The following CNTNAP2 variants were observed in gnomAD, a reference collection of about 807,000 sequenced individuals.
The protein encoded by CNTNAP2 is contactin-associated protein-like 2.
CNTNAP2 carries 98 observed loss-of-function variants against 155.2 expected under a neutral mutation model. The observed-to-expected ratio is 0.63, with a 90% CI of 0.54 to 0.75. The LOEUF is 0.75. Among genes scored for constraint, CNTNAP2 ranks in the 30% least tolerant of loss-of-function variants. CNTNAP2 has a pLI of 0.00. For synonymous variants in CNTNAP2, 651 were observed against 631.2 expected (o/e 1.03, Z -0.47); for missense variants, 1,727 against 1,688.1 (o/e 1.02, Z -0.40).
chr7:148,014,071 T>C (rs772404150), intron 15 of CNTNAP2: 14 of 152,142 alleles, frequency 9.2e-5, no homozygotes, highest in Non-Finnish European at 1.6e-4. Flanking sequence ...TTTCTTTCAG[T>C]TGGTGTTAAA....
intron 9 of CNTNAP2, among the ~76,000 whole-genome samples, chr7:147,316,001 C>T (rs1478377402): frequency 6.6e-6 from 1 of 151,758 alleles, no homozygotes; most frequent in Admixed American, 6.6e-5. Flanking sequence ...CTTATTCATT[C>T]ACAAGTGATG....
chr7:148,282,279 GTC>G (rs1796987894), intron 21 of CNTNAP2, among the ~76,000 whole-genome samples: 3 of 152,184 alleles, frequency 2.0e-5, no homozygotes, highest in African/African-American at 7.2e-5. Context: ...GGCAAATCTT[GTC>G]ATAAGTGTAG....
chr7:147,809,530 C>T (rs1188468060), intron 13 of CNTNAP2, among the ~76,000 whole-genome samples: 2 of 152,212 alleles, frequency 1.3e-5, no homozygotes, highest in Non-Finnish European at 2.9e-5. Flanking sequence ...GCCAGATAAG[C>T]TGTAAATTCC....
At chr7:146,809,331 G>C (rs1351294490) in intron 2 of CNTNAP2, among the ~76,000 whole-genome samples, 1 of 152,040 alleles carries the variant, frequency 6.6e-6, no homozygotes, top group South Asian at 2.1e-4. Flanking sequence ...ACTTGTTCAT[G>C]TATCTGCTGG....
chr7:148,102,501 T>A (rs1197241816), intron 15 of CNTNAP2, among the ~76,000 whole-genome samples: 1 of 152,234 alleles, frequency 6.6e-6, no homozygotes, highest in South Asian at 2.1e-4. Context: ...GTAATGGGAT[T>A]GCTGGGTTGA....
intron 17 of CNTNAP2, among the ~76,000 whole-genome samples, chr7:148,163,283 G>A (rs6959037): frequency 0.19 from 28,917 of 152,102 alleles, 2,887 homozygotes; most frequent in Non-Finnish European, 0.22. Flanking sequence ...CAGTTCACTC[G>A]TCTGTAAAAT....
intron 1 of CNTNAP2, among the ~76,000 whole-genome samples, chr7:146,505,310 C>T (rs1204008313): frequency 1.3e-5 from 2 of 152,162 alleles, no homozygotes; most frequent in African/African-American, 4.8e-5. Flanking sequence ...GCATGTCAAC[C>T]TATGGTCTAA....
At position 148,252,145 on chromosome 7, in the gene CNTNAP2, A is replaced by G. The variant is rs563351847; in HGVS notation, c.3382-14888A>G. On this transcript the variant is annotated intron_variant, in intron 20 of 23. Coordinates refer to ENST00000361727, the MANE Select transcript of CNTNAP2 (RefSeq NM_014141.6). The stretch of plus-strand genomic sequence containing the variant: ...GAATTGAATGTCAGTTTCTTCCTAC[A>G]TTTAGGCCCAGAATCACCCTACTCT... 1.7e-3 allele frequency among the ~76,000 whole-genome samples: 263 copies of G among 152,298 alleles called. 8 individuals are homozygous for G. The highest frequency in any genetic ancestry group is 8.1e-3 in the South Asian group (39 of 4,824).
intron 14 of CNTNAP2, among the ~76,000 whole-genome samples, chr7:147,966,924 C>T (rs1470492175): frequency 6.6e-6 from 1 of 152,018 alleles, no homozygotes; most frequent in African/African-American, 2.4e-5. Context: ...AGTTTCTGCA[C>T]TTATTTATTG....
chr7:146,899,271 T>C (rs553795030), intron 3 of CNTNAP2, among the ~76,000 whole-genome samples: 1 of 152,298 alleles, frequency 6.6e-6, no homozygotes, highest in South Asian at 2.1e-4. Flanking sequence ...TACAATCCCA[T>C]TTGCTTAGTT....
intron 1 of CNTNAP2, among the ~76,000 whole-genome samples, chr7:146,366,546 AG>A (rs1170125448): frequency 6.6e-6 from 1 of 152,172 alleles, no homozygotes; most frequent in Non-Finnish European, 1.5e-5. Context: ...CTGCACAAAA[AG>A]TATTTTTGAA....
chr7:146,603,123 A>T (rs1001923155), intron 1 of CNTNAP2, among the ~76,000 whole-genome samples: 1 of 151,528 alleles, frequency 6.6e-6, no homozygotes, highest in Non-Finnish European at 1.5e-5. Context: ...AATTTAAAAT[A>T]TTGCGATAGC....
intron 21 of CNTNAP2, among the ~76,000 whole-genome samples, chr7:148,370,328 G>A (rs1798864105): frequency 6.6e-6 from 1 of 152,166 alleles, no homozygotes; most frequent in Non-Finnish European, 1.5e-5. Flanking sequence ...GGGAGCTCTG[G>A]TCTCCGGTTC....
intron 8 of CNTNAP2, among the ~76,000 whole-genome samples, chr7:147,219,738 G>A (rs963080302): frequency 1.3e-5 from 2 of 151,982 alleles, no homozygotes; most frequent in Admixed American, 6.6e-5. Context: ...CATAATAATG[G>A]CATTAATCCA....
At chr7:148,231,027 C>A (rs777288706) in intron 20 of CNTNAP2, among the ~76,000 whole-genome samples, 19 of 152,164 alleles carry the variant, frequency 1.2e-4, no homozygotes, top group Non-Finnish European at 2.5e-4. Flanking sequence ...TTAAGCCACC[C>A]AATTTGTCAC....
chr7:148,136,233 T>A (rs1158839853), intron 16 of CNTNAP2, among the ~76,000 whole-genome samples: 10 of 152,032 alleles, frequency 6.6e-5, no homozygotes. Flanking sequence ...GTTTGGATAT[T>A]TGTCCCTCCA....
intron 13 of CNTNAP2, among the ~76,000 whole-genome samples, chr7:147,725,048 ATGGTGT>A (rs1008861215): frequency 2.6e-5 from 4 of 151,980 alleles, no homozygotes; most frequent in Non-Finnish European, 4.4e-5. Context: ...GCAGAAAAAC[ATGGTGT>A]TGGATTGTAG....
At chr7:146,655,080 T>C (rs990871043) in intron 1 of CNTNAP2, among the ~76,000 whole-genome samples, 3 of 152,124 alleles carry the variant, frequency 2.0e-5, no homozygotes, top group African/African-American at 7.2e-5. Context: ...TTATACTAAG[T>C]ATATTCAAGT....
At chr7:146,703,729 T>C (rs1476801059) in intron 1 of CNTNAP2, among the ~76,000 whole-genome samples, 2 of 152,094 alleles carry the variant, frequency 1.3e-5, no homozygotes, top group East Asian at 3.9e-4. Context: ...ATCCCATTCA[T>C]GAAGGTTCCG....
Sources: allele counts gnomAD v4.1 joint callset (sites outside exome capture counted in the v4.1 genomes callset), GRCh38; gene constraint gnomAD v4.1.1; transcripts MANE v1.5; gene names NCBI Gene and HGNC (gene_info 2026-07-23, HGNC 2026-07-21).